Variants in SHISA9 observed in about 807,000 individuals in gnomAD.
SHISA9 encodes the protein protein shisa-9.
Under a neutral mutation model 38.0 loss-of-function variants are expected in SHISA9, and 13 were observed. The ratio of observed to expected loss-of-function variants is 0.34; its 90% confidence interval spans 0.22 to 0.54. The LOEUF is 0.54. Among genes scored for constraint, SHISA9 ranks in the 20% least tolerant of loss-of-function variants. The pLI is 0.91. For synonymous variants in SHISA9, 275 were observed against 242.0 expected (o/e 1.14, Z -1.27); for missense variants, 538 against 575.8 (o/e 0.93, Z 0.67).
downstream of SHISA9, among the ~76,000 whole-genome samples, chr16:13,245,232 A>G (rs2051463170): frequency 2.6e-5 from 4 of 152,108 alleles, no homozygotes; most frequent in South Asian, 8.3e-4. Flanking sequence ...GCCCACATTT[A>G]TAATTGAGGG....
Position 12,958,138 on chromosome 16 carries a change from G to A in SHISA9, c.691+41323G>A, listed in dbSNP as rs551338577. ...ACACTCTTTTGCCCAAATGGGCCCC[G>A]ACATCACTTCTGTGAATCTCCTGTA... On this transcript the variant is annotated intron_variant, in intron 2 of 4. Coordinates refer to ENST00000558583, the MANE Select transcript of SHISA9 (RefSeq NM_001145204.3). Among the ~76,000 whole-genome samples, 3 of 152,332 alleles carry A rather than the reference G, an allele frequency of 2.0e-5. No individual in the cohort carries two copies. The South Asian group carries it at 6.2e-4, about 32-fold the overall frequency.
At chr16:13,084,641 T>C (rs371231282) in intron 2 of SHISA9, among the ~76,000 whole-genome samples, 1 of 152,230 alleles carries the variant, frequency 6.6e-6, no homozygotes, top group East Asian at 1.9e-4. Context: ...GGGATTTAAA[T>C]GACAATGATG....
the SHISA9 span, among the ~76,000 whole-genome samples, chr16:13,258,958 A>G: frequency 6.6e-6 from 1 of 152,126 alleles, no homozygotes; most frequent in African/African-American, 2.4e-5. Flanking sequence ...AAAACCAATC[A>G]TGCCTTCCCA....
At chr16:13,387,734 C>T in the SHISA9 span, among the ~76,000 whole-genome samples, 20 of 152,090 alleles carry the variant, frequency 1.3e-4, no homozygotes, top group South Asian at 6.2e-4. Context: ...GTGATCTGCC[C>T]GCCTCGGCCT....
chr16:13,268,352 A>G, the SHISA9 span, among the ~76,000 whole-genome samples: 4 of 152,136 alleles, frequency 2.6e-5, no homozygotes, highest in South Asian at 2.1e-4. Flanking sequence ...TTTCCAAAAT[A>G]TACAAAAATT....
At chr16:13,116,507 A>G (rs2074032134) in intron 2 of SHISA9, among the ~76,000 whole-genome samples, 1 of 152,186 alleles carries the variant, frequency 6.6e-6, no homozygotes, top group African/African-American at 2.4e-5. Context: ...GTCTGTTAAG[A>G]GCTGGGCAGC....
chr16:12,914,893 G>A (rs1261689261), intron 1 of SHISA9, among the ~76,000 whole-genome samples: 1 of 152,202 alleles, frequency 6.6e-6, no homozygotes, highest in Non-Finnish European at 1.5e-5. Flanking sequence ...AGGCGACACT[G>A]CTAGGACACT....
chr16:13,387,084 T>A, the SHISA9 span, among the ~76,000 whole-genome samples: 1 of 152,224 alleles, frequency 6.6e-6, no homozygotes, highest in Non-Finnish European at 1.5e-5. Context: ...TTAAAATAAA[T>A]CATTGATGTG....
downstream of SHISA9, among the ~76,000 whole-genome samples, chr16:13,243,763 A>G (rs1596764617): frequency 7.0e-6 from 1 of 143,570 alleles, no homozygotes; most frequent in Non-Finnish European, 1.5e-5. Flanking sequence ...TTTGGTTTAC[A>G]GCAGCGTTTT....
chr16:13,348,938 A>G, the SHISA9 span, among the ~76,000 whole-genome samples: 2 of 152,062 alleles, frequency 1.3e-5, no homozygotes, highest in African/African-American at 2.4e-5. Context: ...CCCCTTTGCC[A>G]GAGTGGGTAG....
chr16:13,553,304 C>T, the SHISA9 span, among the ~76,000 whole-genome samples: 4 of 152,210 alleles, frequency 2.6e-5, no homozygotes, highest in East Asian at 7.7e-4. Context: ...ACATATTTTT[C>T]CACCATCTTC....
the SHISA9 span, among the ~76,000 whole-genome samples, chr16:13,505,869 T>G: frequency 9.4e-3 from 1,431 of 152,304 alleles, 19 homozygotes; most frequent in African/African-American, 0.033. Context: ...AGGGAGGTGT[T>G]GACCCATCTT....
intron 2 of SHISA9, among the ~76,000 whole-genome samples, chr16:13,163,011 A>G (rs2050608803): frequency 6.6e-6 from 1 of 152,150 alleles, no homozygotes; most frequent in South Asian, 2.1e-4. Context: ...TGAAAGAAGG[A>G]AAGACAAGGA....
intron 1 of SHISA9, among the ~76,000 whole-genome samples, chr16:12,906,615 T>C (rs1245312790): frequency 1.3e-5 from 2 of 152,218 alleles, no homozygotes; most frequent in African/African-American, 4.8e-5. Flanking sequence ...CTTTGCTTGA[T>C]CTGCAAGGTA....
intron 2 of SHISA9, among the ~76,000 whole-genome samples, chr16:13,007,968 T>C (rs1355007217): frequency 1.3e-5 from 2 of 152,130 alleles, no homozygotes; most frequent in Non-Finnish European, 2.9e-5. Flanking sequence ...ACCTTATTTC[T>C]TCTACTCTCC....
chr16:12,997,686 G>A (rs558497666), intron 2 of SHISA9, among the ~76,000 whole-genome samples: 163 of 152,178 alleles, frequency 1.1e-3, no homozygotes, highest in African/African-American at 3.9e-3. Context: ...GATTTCAGGT[G>A]TGAGCCATCA....
At chr16:13,212,287 T>C (rs1242945600) in intron 3 of SHISA9, among the ~76,000 whole-genome samples, 1 of 152,128 alleles carries the variant, frequency 6.6e-6, no homozygotes, top group Admixed American at 6.5e-5. Flanking sequence ...CTCCAGCCAA[T>C]GAGGAGAGGT....
chr16:13,057,335 A>C (rs552607141), intron 2 of SHISA9, among the ~76,000 whole-genome samples: 1 of 152,348 alleles, frequency 6.6e-6, no homozygotes, highest in Non-Finnish European at 1.5e-5. Flanking sequence ...CAACAAGCTT[A>C]GAAGGGAATG....
the SHISA9 span, among the ~76,000 whole-genome samples, chr16:13,407,281 C>G: frequency 6.6e-6 from 1 of 152,058 alleles, no homozygotes; most frequent in Non-Finnish European, 1.5e-5. Flanking sequence ...TGGCTTCCCT[C>G]TGGCTGTATC....
Sources: allele counts gnomAD v4.1 joint callset (sites outside exome capture counted in the v4.1 genomes callset), GRCh38; gene constraint gnomAD v4.1.1; transcripts MANE v1.5; gene names NCBI Gene and HGNC (gene_info 2026-07-23, HGNC 2026-07-21).